Variants in CHD9 observed in about 807,000 individuals in gnomAD.
The protein encoded by CHD9 is ATP-dependent chromatin remodeler CHD9.
Under a neutral mutation model 316.1 loss-of-function variants are expected in CHD9, and 77 were observed. That is an observed-to-expected ratio of 0.24 (90% CI 0.20 to 0.29). The LOEUF is 0.29. Ranked by LOEUF, CHD9 falls within the 10% of genes least tolerant of loss-of-function variation. The pLI is 1.00. For synonymous variants in CHD9, 1,129 were observed against 1,158.3 expected, an observed-to-expected ratio of 0.97 and a Z score of 0.51; for missense variants, 2,763 against 3,438.1, an observed-to-expected ratio of 0.80 and a Z score of 4.91.
At chr16:53,204,763 A>G (rs2045764204) in intron 2 of CHD9, among the ~76,000 whole-genome samples, 1 of 152,036 alleles carries the variant, frequency 6.6e-6, no homozygotes, top group African/African-American at 2.4e-5. Context: ...CATCTCTTGT[A>G]CTATAGGTTT....
At chr16:53,119,317 T>A (rs975238184) in intron 1 of CHD9, among the ~76,000 whole-genome samples, 11 of 152,012 alleles carry the variant, frequency 7.2e-5, no homozygotes, top group Admixed American at 7.2e-4. Context: ...TATTGAAGAT[T>A]ATATATTTTT....
chr16:53,102,853 CTT>C (rs930731320), intron 1 of CHD9, among the ~76,000 whole-genome samples: 7 of 151,778 alleles, frequency 4.6e-5, no homozygotes, highest in Non-Finnish European at 1.0e-4. Flanking sequence ...CTGTCTCTTT[CTT>C]TTTTTGGGGG....
At chr16:53,167,046 G>T (rs1308210736) in intron 2 of CHD9, among the ~76,000 whole-genome samples, 2 of 152,124 alleles carry the variant, frequency 1.3e-5, no homozygotes, top group African/African-American at 4.8e-5. Flanking sequence ...AGATCAAACT[G>T]TGTAGTGTTC....
At chr16:53,090,503 C>T (rs1390692660) in intron 1 of CHD9, among the ~76,000 whole-genome samples, 1 of 152,182 alleles carries the variant, frequency 6.6e-6, no homozygotes, top group Non-Finnish European at 1.5e-5. Flanking sequence ...ATCTCTTCTT[C>T]AGTATAATGG....
intron 1 of CHD9, among the ~76,000 whole-genome samples, chr16:53,144,532 T>A (rs1333818477): frequency 7.3e-6 from 1 of 137,866 alleles, no homozygotes; most frequent in Non-Finnish European, 1.6e-5. Flanking sequence ...TGTCTACAAA[T>A]TTTTTTTTTT....
At position 53,247,438 on chromosome 16, in the gene CHD9, A is replaced by G. The variant is rs758986713; in HGVS notation, c.3600A>G (p.Lys1200=). The G allele has an allele frequency of 6.2e-7, 1 of 1,608,966 alleles. No homozygotes were observed. Among genetic ancestry groups the G allele is most frequent in the Admixed American group, 1.7e-5 (1 of 59,440 alleles). Reference sequence around the variant, plus strand: ...CCAAAATGAAAGCCGGAGGTCATAAAGTGCTCATCTTCTCTCAAATGGTTC... The same window carrying G: ...CCAAAATGAAAGCCGGAGGTCATAAGGTGCTCATCTTCTCTCAAATGGTTC... ...LLPKMKAGGH[K]VLIFSQMVRC... The change falls in exon 16 of 39, where the codon AAA becomes AAG. Residue 1200 remains lysine (K), a synonymous_variant. Coordinates refer to ENST00000447540, the MANE Select transcript of CHD9 (RefSeq NM_001308319.2).
intron 1 of CHD9, among the ~76,000 whole-genome samples, chr16:53,110,917 AAG>A (rs2037815353): frequency 6.6e-6 from 1 of 152,202 alleles, no homozygotes; most frequent in African/African-American, 2.4e-5. Context: ...CATGATAAGA[AAG>A]TAGGCAAAGG....
At chr16:53,071,472 C>T (rs969918599) in intron 1 of CHD9, among the ~76,000 whole-genome samples, 4 of 152,158 alleles carry the variant, frequency 2.6e-5, no homozygotes, top group South Asian at 2.1e-4. Flanking sequence ...AAAGGGTTTG[C>T]GAGTTCCTCT....
intron 1 of CHD9, among the ~76,000 whole-genome samples, chr16:53,085,375 C>G (rs1272519638): frequency 2.6e-5 from 4 of 152,106 alleles, no homozygotes; most frequent in African/African-American, 9.7e-5. Flanking sequence ...CATCTTACCC[C>G]CCAGGACATT....
At chr16:53,074,269 A>C (rs1441381553) in intron 1 of CHD9, among the ~76,000 whole-genome samples, 2 of 152,244 alleles carry the variant, frequency 1.3e-5, no homozygotes, top group Admixed American at 6.5e-5. Flanking sequence ...TCAAGAGTTG[A>C]CTTGGGTGCT....
chr16:53,319,522 T>C (rs2057123876), intron 37 of CHD9, among the ~76,000 whole-genome samples: 1 of 152,206 alleles, frequency 6.6e-6, no homozygotes, highest in Admixed American at 6.5e-5. Context: ...ATACATGTCT[T>C]AAGGAAAGAA....
At chr16:53,076,144 T>A (rs944736895) in intron 1 of CHD9, among the ~76,000 whole-genome samples, 2 of 152,376 alleles carry the variant, frequency 1.3e-5, no homozygotes. Context: ...CTGTATCTTC[T>A]GGCTATTAAT....
chr16:53,105,809 A>G (rs192811418), intron 1 of CHD9, among the ~76,000 whole-genome samples: 2 of 151,842 alleles, frequency 1.3e-5, no homozygotes, highest in Admixed American at 1.3e-4. Flanking sequence ...TCTGGTCACA[A>G]CAATGATAAG....
chr16:53,182,221 G>T (rs1305622053), intron 2 of CHD9, among the ~76,000 whole-genome samples: 1 of 152,050 alleles, frequency 6.6e-6, no homozygotes, highest in African/African-American at 2.4e-5. Context: ...TTGAGACAGG[G>T]TCTTACCCTA....
intron 30 of CHD9, among the ~76,000 whole-genome samples, chr16:53,300,932 G>A (rs1419192482): frequency 1.3e-5 from 2 of 152,174 alleles, no homozygotes; most frequent in African/African-American, 4.8e-5. Flanking sequence ...AATTAGCCAG[G>A]CATGGTGGCA....
intron 2 of CHD9, among the ~76,000 whole-genome samples, chr16:53,194,799 T>C (rs1424939150): frequency 1.3e-5 from 2 of 152,186 alleles, no homozygotes; most frequent in Non-Finnish European, 2.9e-5. Flanking sequence ...CTCAGGCCTC[T>C]TTCAGCATTT....
At position 53,321,104 on chromosome 16, in the gene CHD9, C is replaced by T. The variant is rs924084339; in HGVS notation, c.7714-422C>T. 6.2e-5 allele frequency: 36 copies of T among 580,380 alleles called. No individual in the cohort carries two copies. The African/African-American group carries it at 6.7e-4, about 11-fold the overall frequency. The allele number at this position is 580,380 out of a possible 1,614,324, so 36.0% of individuals were successfully genotyped here. ...CATTATGCTAAGGTACTTGAATTGTCTCATTTTATCTTTATAAAACCCTAT... is the reference window on the plus strand; with the variant it reads ...CATTATGCTAAGGTACTTGAATTGTTTCATTTTATCTTTATAAAACCCTAT... On this transcript the variant is annotated intron_variant, in intron 37 of 38. Transcript: ENST00000447540.
chr16:53,118,793 CTTTT>C, intron 1 of CHD9, among the ~76,000 whole-genome samples: 1 of 127,156 alleles, frequency 7.9e-6, no homozygotes, highest in African/African-American at 2.8e-5. Context: ...AGATAACTTT[CTTTT>C]TTTTTTTTTT....
At position 53,188,912 on chromosome 16, in the gene CHD9, A is replaced by G. The variant is rs571704392; in HGVS notation, c.1453-20570A>G. ...GTATCTTTTTTTTAGAGAAATGTCT[A>G]TTCAGATCTTTTGCCCATATTTAAA... On this transcript the variant is annotated intron_variant, in intron 2 of 38. Coordinates refer to ENST00000447540, the MANE Select transcript of CHD9 (RefSeq NM_001308319.2). 2.6e-5 allele frequency among the ~76,000 whole-genome samples: 4 copies of G among 152,016 alleles called. No individual in the cohort carries two copies. In the South Asian group the frequency reaches 6.2e-4, roughly 24 times the overall value.
Sources: allele counts gnomAD v4.1 joint callset (sites outside exome capture counted in the v4.1 genomes callset), GRCh38; gene constraint gnomAD v4.1.1; transcripts MANE v1.5; gene names NCBI Gene and HGNC (gene_info 2026-07-23, HGNC 2026-07-21).